DNAH9: variants seen among roughly 807,000 people sequenced by gnomAD.
DNAH9 encodes DNAH9 variant protein.
Under a neutral mutation model 471.6 loss-of-function variants are expected in DNAH9, and 345 were observed. That is an observed-to-expected ratio of 0.73 (90% CI 0.67 to 0.80). The LOEUF is 0.80. DNAH9 is among the 30% of genes least tolerant of loss of function. The probability of loss-of-function intolerance (pLI) is 0.00; values close to 1 mark genes in which losing one functional copy is unlikely to be tolerated. For missense variants in DNAH9, 5,407 were observed against 5,609.2 expected (o/e 0.96, Z 1.15); for synonymous variants, 2,093 against 2,123.6 (o/e 0.99, Z 0.40).
intron 50 of DNAH9, among the ~76,000 whole-genome samples, chr17:11,859,012 A>G (rs905041985): frequency 2.7e-5 from 4 of 147,104 alleles, no homozygotes; most frequent in African/African-American, 7.5e-5. Flanking sequence ...TGAACCCAGG[A>G]TGCAGAGGTT....
intron 43 of DNAH9, among the ~76,000 whole-genome samples, chr17:11,803,105 T>G (rs1351021880): frequency 6.6e-6 from 1 of 152,252 alleles, no homozygotes. Context: ...TCTTTTTTCT[T>G]TGTGCTATTG....
At chr17:11,896,241 CAGG>C (rs1214341778) in intron 59 of DNAH9, among the ~76,000 whole-genome samples, 1 of 152,144 alleles carries the variant, frequency 6.6e-6, no homozygotes, top group Non-Finnish European at 1.5e-5. Context: ...TTCACAAGTC[CAGG>C]AGATTAGTTC....
chr17:11,865,444 C>A (rs1972010265), intron 50 of DNAH9, among the ~76,000 whole-genome samples: 2 of 152,106 alleles, frequency 1.3e-5, no homozygotes, highest in Admixed American at 1.3e-4. Flanking sequence ...TCTCTGGCTG[C>A]CCTTAACATT....
chr17:11,682,390 T>C (rs1483236141), intron 19 of DNAH9, among the ~76,000 whole-genome samples: 1 of 152,122 alleles, frequency 6.6e-6, no homozygotes, highest in Non-Finnish European at 1.5e-5. Context: ...TAGCTGGGAC[T>C]ACAAGCATGC....
At chr17:11,649,989 T>A (rs2073470708) in intron 12 of DNAH9, among the ~76,000 whole-genome samples, 1 of 152,258 alleles carries the variant, frequency 6.6e-6, no homozygotes, top group African/African-American at 2.4e-5. Flanking sequence ...AAAGTTTTTA[T>A]GTTTTGTGGT....
At chr17:11,871,514 GC>G (rs1293999630) in intron 51 of DNAH9, 83 bp from the exon 52 acceptor site, 3 of 1,249,964 alleles carry the variant, frequency 2.4e-6, no homozygotes, top group Non-Finnish European at 2.3e-6. Flanking sequence ...GAAGCGTGCA[GC>G]GGGCGCTCTC....
Position 11,673,692 on chromosome 17 carries a change from A to G in DNAH9, c.3353+3898A>G, listed in dbSNP as rs80202374. Among the ~76,000 whole-genome samples, 1,422 of 151,914 alleles carry G rather than the reference A, an allele frequency of 9.4e-3. 27 individuals carry two copies. Among genetic ancestry groups the G allele is most frequent in the African/African-American group, 0.032 (1,335 of 41,422 alleles). ...TAACATACATACAATTTAGAGAACA[A>G]TATTAAAGAGAATATGTGAATTTGC... is the stretch of plus-strand genomic sequence containing the variant. On this transcript the variant is annotated intron_variant, in intron 17 of 68. Coordinates refer to ENST00000262442, the MANE Select transcript of DNAH9 (RefSeq NM_001372.4).
intron 30 of DNAH9, among the ~76,000 whole-genome samples, chr17:11,744,495 A>G (rs995242915): frequency 6.6e-6 from 1 of 152,134 alleles, no homozygotes; most frequent in African/African-American, 2.4e-5. Context: ...TTCCAATTCT[A>G]CCTGCTGAGT....
intron 48 of DNAH9, among the ~76,000 whole-genome samples, chr17:11,830,353 A>G (rs367562498): frequency 6.6e-6 from 1 of 152,230 alleles, no homozygotes; most frequent in African/African-American, 2.4e-5. Flanking sequence ...AGAAATGTTT[A>G]TAAAAGACCT....
At chr17:11,778,276 GC>G (rs199619619) in intron 38 of DNAH9, among the ~76,000 whole-genome samples, 1,466 of 121,516 alleles carry the variant, frequency 0.012, 28 homozygotes, top group African/African-American at 0.042. Flanking sequence ...CAGTGAGCCA[GC>G]CAAAACAGTG....
intron 50 of DNAH9, among the ~76,000 whole-genome samples, chr17:11,866,827 G>A: frequency 6.6e-6 from 1 of 152,368 alleles, no homozygotes; most frequent in Non-Finnish European, 1.5e-5. Context: ...TCCGAGCCAG[G>A]TGCAGGATAT....
intron 67 of DNAH9, among the ~76,000 whole-genome samples, chr17:11,958,640 T>C (rs553244391): frequency 6.6e-6 from 1 of 152,068 alleles, no homozygotes; most frequent in South Asian, 2.1e-4. Context: ...GGAATGTTGA[T>C]AGTGGTGGAG....
chr17:11,695,373 G>T (rs912814190), intron 22 of DNAH9, among the ~76,000 whole-genome samples: 5 of 152,164 alleles, frequency 3.3e-5, no homozygotes. Context: ...GGCCAAACTC[G>T]ATAGCTAAAA....
chr17:11,812,026 AATAT>A (rs1555601078), intron 45 of DNAH9, among the ~76,000 whole-genome samples: 3,679 of 36,524 alleles, frequency 0.1, 261 homozygotes, highest in African/African-American at 0.13. Flanking sequence ...AAAAAAAAAA[AATAT>A]ATATATATAT....
chr17:11,723,723 A>G (rs948011332), intron 27 of DNAH9, among the ~76,000 whole-genome samples: 1 of 151,556 alleles, frequency 6.6e-6, no homozygotes, highest in Non-Finnish European at 1.5e-5. Context: ...GCTGGAGTGC[A>G]GTGGCACGAT....
chr17:11,824,511 G>A (rs1329956963), intron 48 of DNAH9, among the ~76,000 whole-genome samples: 2 of 152,060 alleles, frequency 1.3e-5, no homozygotes, highest in African/African-American at 4.8e-5. Context: ...AGTTGGATGG[G>A]GTCCCTGTGC....
intron 14 of DNAH9, among the ~76,000 whole-genome samples, chr17:11,657,373 A>G (rs982547736): frequency 1.3e-5 from 2 of 152,074 alleles, no homozygotes; most frequent in African/African-American, 4.8e-5. Flanking sequence ...GAATTCCTCT[A>G]TAAAGTGTCT....
intron 59 of DNAH9, among the ~76,000 whole-genome samples, chr17:11,901,628 G>A (rs1973419716): frequency 1.3e-5 from 2 of 152,138 alleles, no homozygotes; most frequent in African/African-American, 4.8e-5. Context: ...TCCAGGAGGT[G>A]GAGGTTGCAG....
At chr17:11,714,332 T>C (rs1361549751) in intron 26 of DNAH9, among the ~76,000 whole-genome samples, 1 of 152,228 alleles carries the variant, frequency 6.6e-6, no homozygotes, top group Non-Finnish European at 1.5e-5. Flanking sequence ...TGTCCCATCA[T>C]TTTTTCACTG....
Sources: gnomAD v4.1 joint callset for allele counts (sites outside exome capture counted in the v4.1 genomes callset) on GRCh38, gnomAD v4.1.1 for gene constraint, MANE v1.5 for transcripts, NCBI Gene and HGNC (gene_info 2026-07-23, HGNC 2026-07-21) for gene names.